CLSTN2: variants seen among roughly 807,000 people sequenced by gnomAD.
The protein encoded by CLSTN2 is calsyntenin 2, also known as calsyntenin-2.
A neutral mutation model predicts 101.2 loss-of-function variants in CLSTN2; 48 were observed. The ratio of observed to expected loss-of-function variants is 0.47; its 90% CI spans 0.38 to 0.60. The LOEUF (loss-of-function observed/expected upper bound fraction) is 0.60. Among genes scored for constraint, CLSTN2 ranks in the 20% least tolerant of loss-of-function variants. The pLI, the probability that CLSTN2 is intolerant of heterozygous loss-of-function variation, is 0.00. For missense variants in CLSTN2, 1,160 were observed against 1,238.2 expected (o/e 0.94, Z 0.95); for synonymous variants, 481 against 463.6 (o/e 1.04, Z -0.48).
intron 1 of CLSTN2, among the ~76,000 whole-genome samples, chr3:140,125,574 G>A (rs145996863): frequency 6.6e-6 from 1 of 152,110 alleles, no homozygotes; most frequent in Non-Finnish European, 1.5e-5. Flanking sequence ...AGTTGGAAGG[G>A]AGTGTGGGTG....
At chr3:140,466,973 TC>T (rs1458530073) in intron 8 of CLSTN2, among the ~76,000 whole-genome samples, 4 of 152,224 alleles carry the variant, frequency 2.6e-5, no homozygotes, top group African/African-American at 9.6e-5. Flanking sequence ...ACTGGACCTG[TC>T]ATGTGCCGTT....
intron 4 of CLSTN2, among the ~76,000 whole-genome samples, chr3:140,412,534 A>G (rs1006226605): frequency 6.6e-6 from 1 of 152,184 alleles, no homozygotes; most frequent in Non-Finnish European, 1.5e-5. Context: ...CCACACAGAG[A>G]AACTTGGAGA....
intron 1 of CLSTN2, among the ~76,000 whole-genome samples, chr3:140,145,002 TG>T (rs2009760384): frequency 6.6e-6 from 1 of 152,242 alleles, no homozygotes; most frequent in African/African-American, 2.4e-5. Context: ...CACGCCCCTG[TG>T]GGCCCTTATG....
At chr3:140,485,815 G>A (rs1260406452) in intron 8 of CLSTN2, among the ~76,000 whole-genome samples, 6 of 152,120 alleles carry the variant, frequency 3.9e-5, no homozygotes, top group Non-Finnish European at 8.8e-5. Context: ...AAGCACAGTA[G>A]TATTAGGGTG....
Position 140,189,098 on chromosome 3 carries a change from T to C in CLSTN2, c.232+13025T>C, listed in dbSNP as rs368560852. Among the ~76,000 whole-genome samples, 3 of 152,374 alleles carry C rather than the reference T, an allele frequency of 2.0e-5. No homozygotes were observed. The East Asian group carries it at 5.8e-4, about 29-fold the overall frequency. ...AAATTCATCTAAGTTGTTGCCTATA[T>C]GAATAGTCTGTCCTTTTTATTGTTG... On this transcript the variant is annotated intron_variant, in intron 2 of 16. Transcript: ENST00000458420.
chr3:140,253,647 A>G (rs2086581778), intron 2 of CLSTN2, among the ~76,000 whole-genome samples: 1 of 152,068 alleles, frequency 6.6e-6, no homozygotes. Flanking sequence ...CTGTTTCTTT[A>G]TTTGCCAAAA....
intron 2 of CLSTN2, among the ~76,000 whole-genome samples, chr3:140,240,217 CACACAT>C (rs1261740620): frequency 2.3e-4 from 7 of 29,858 alleles, no homozygotes; most frequent in African/African-American, 7.9e-4. Context: ...CACACACACA[CACACAT>C]ATATATATAT....
At chr3:140,188,381 GACTGAGTGGCTTACAACCTACC>G (rs2010511640) in intron 2 of CLSTN2, among the ~76,000 whole-genome samples, 1 of 152,194 alleles carries the variant, frequency 6.6e-6, no homozygotes. Flanking sequence ...AATTGAAAAG[GACTGAGTGGCTTACAACCTACC>G]ACTAAGAAGC....
At chr3:140,493,114 C>A (rs537906) in intron 8 of CLSTN2, among the ~76,000 whole-genome samples, 2 of 152,174 alleles carry the variant, frequency 1.3e-5, no homozygotes, top group African/African-American at 4.8e-5. Flanking sequence ...AAGGAAAAAA[C>A]GTCTGGGAAC....
intron 1 of CLSTN2, among the ~76,000 whole-genome samples, chr3:140,088,348 T>G (rs2008714054): frequency 2.0e-5 from 3 of 152,220 alleles, no homozygotes; most frequent in African/African-American, 7.2e-5. Flanking sequence ...ATCCAGGGTC[T>G]CCTTCATTCT....
chr3:139,986,596 C>T (rs1936024734), intron 1 of CLSTN2, among the ~76,000 whole-genome samples: 1 of 152,176 alleles, frequency 6.6e-6, no homozygotes, highest in Admixed American at 6.5e-5. Flanking sequence ...TCTCCTTCCA[C>T]CCAGATTATT....
At chr3:140,158,702 C>G (rs1345155646) in intron 1 of CLSTN2, among the ~76,000 whole-genome samples, 1 of 151,934 alleles carries the variant, frequency 6.6e-6, no homozygotes, top group East Asian at 1.9e-4. Context: ...TTATATGGAA[C>G]CAAAAAAGAG....
intron 1 of CLSTN2, among the ~76,000 whole-genome samples, chr3:140,010,632 A>G (rs1417712745): frequency 6.6e-6 from 1 of 152,166 alleles, no homozygotes; most frequent in Non-Finnish European, 1.5e-5. Context: ...CAGGGTTATG[A>G]TGTCCTCTGG....
chr3:140,456,702 G>A (rs1576577936), intron 6 of CLSTN2, among the ~76,000 whole-genome samples: 2 of 152,098 alleles, frequency 1.3e-5, no homozygotes, highest in East Asian at 1.9e-4. Flanking sequence ...CAGGAGAATC[G>A]CTTGAACCCG....
chr3:140,089,012 A>G (rs2107784649), intron 1 of CLSTN2, among the ~76,000 whole-genome samples: 1 of 152,094 alleles, frequency 6.6e-6, no homozygotes, highest in East Asian at 1.9e-4. Flanking sequence ...ACTGAGACAA[A>G]AAAAAGCACA....
At chr3:140,384,373 T>C (rs1286275577) in intron 2 of CLSTN2, among the ~76,000 whole-genome samples, 2 of 152,254 alleles carry the variant, frequency 1.3e-5, no homozygotes, top group Admixed American at 1.3e-4. Context: ...TGGTCTTTTC[T>C]GCAGGAACCT....
At chr3:140,122,118 G>C (rs913989915) in intron 1 of CLSTN2, among the ~76,000 whole-genome samples, 5 of 152,166 alleles carry the variant, frequency 3.3e-5, no homozygotes, top group African/African-American at 1.2e-4. Context: ...TCTCTCTCCT[G>C]TTCTGCAACT....
intron 1 of CLSTN2, among the ~76,000 whole-genome samples, chr3:140,019,723 G>C (rs2007269773): frequency 6.6e-6 from 1 of 152,122 alleles, no homozygotes; most frequent in African/African-American, 2.4e-5. Flanking sequence ...TGGGTTGAGG[G>C]GACCAGTGTA....
chr3:140,561,032 A>T (rs1212908648), intron 12 of CLSTN2, among the ~76,000 whole-genome samples: 2 of 151,822 alleles, frequency 1.3e-5, no homozygotes, highest in Admixed American at 6.6e-5. Flanking sequence ...TATATTTTTG[A>T]TATCATTTAA....
Sources: gnomAD v4.1 joint callset for allele counts (sites outside exome capture counted in the v4.1 genomes callset) on GRCh38, gnomAD v4.1.1 for gene constraint, MANE v1.5 for transcripts, NCBI Gene and HGNC (gene_info 2026-07-23, HGNC 2026-07-21) for gene names.